The following ADCY8 variants were observed in gnomAD, a reference collection of about 807,000 sequenced individuals.
ADCY8 encodes adenylate cyclase type 8.
ADCY8 carries 51 observed loss-of-function variants against 119.7 expected under a neutral mutation model. The ratio of observed to expected loss-of-function variants is 0.43; its 90% CI spans 0.34 to 0.54. The LOEUF is 0.54. Among genes scored for constraint, ADCY8 ranks in the 20% least tolerant of loss-of-function variants. The pLI, the probability that ADCY8 is intolerant of heterozygous loss-of-function variation, is 0.03. For missense variants in ADCY8, 1,383 were observed against 1,598.8 expected, an observed-to-expected ratio of 0.87 and a Z score of 2.30; for synonymous variants, 665 against 651.0, an observed-to-expected ratio of 1.02 and a Z score of -0.33.
At chr8:130,792,967 C>T (rs1434625722) in intron 15 of ADCY8, among the ~76,000 whole-genome samples, 1 of 152,176 alleles carries the variant, frequency 6.6e-6, no homozygotes, top group African/African-American at 2.4e-5. Context: ...GAACCAGCTC[C>T]AGCCTTCTTC....
chr8:130,824,793 T>A (rs548275773), intron 12 of ADCY8, among the ~76,000 whole-genome samples: 1 of 152,220 alleles, frequency 6.6e-6, no homozygotes, highest in African/African-American at 2.4e-5. Flanking sequence ...TTGAAATTTT[T>A]TTTTAGAGAA....
At chr8:130,975,581 C>T (rs1218357431) in intron 2 of ADCY8, among the ~76,000 whole-genome samples, 1 of 152,180 alleles carries the variant, frequency 6.6e-6, no homozygotes, top group Non-Finnish European at 1.5e-5. Context: ...ATTAGTTAAA[C>T]CACAAGCATT....
intron 12 of ADCY8, among the ~76,000 whole-genome samples, chr8:130,824,659 C>T (rs12375420): frequency 0.18 from 26,674 of 152,212 alleles, 2,458 homozygotes; most frequent in Middle Eastern, 0.29. Context: ...TGACTCTACA[C>T]GTGGATTATT....
At chr8:130,997,573 C>A (rs373076843) in intron 1 of ADCY8, among the ~76,000 whole-genome samples, 64 of 152,176 alleles carry the variant, frequency 4.2e-4, no homozygotes, top group African/African-American at 6.3e-4. Flanking sequence ...GAGAAAAAAA[C>A]AATGCAGAAA....
chr8:130,893,986 G>A (rs1471752136), intron 7 of ADCY8, among the ~76,000 whole-genome samples: 1 of 152,116 alleles, frequency 6.6e-6, no homozygotes, highest in African/African-American at 2.4e-5. Flanking sequence ...AGGTTCAGAA[G>A]TAACTTTTAA....
intron 12 of ADCY8, among the ~76,000 whole-genome samples, chr8:130,831,016 A>G (rs539717577): frequency 5.9e-4 from 90 of 152,394 alleles, no homozygotes; most frequent in East Asian, 9.6e-4. Flanking sequence ...ACAAAACACT[A>G]AATGCTTTGG....
At chr8:130,871,976 A>G (rs910625654) in intron 8 of ADCY8, among the ~76,000 whole-genome samples, 3 of 152,122 alleles carry the variant, frequency 2.0e-5, no homozygotes, top group African/African-American at 4.8e-5. Flanking sequence ...ACACACACAC[A>G]CATATGTATA....
chr8:130,804,135 G>A (rs1183210029), intron 14 of ADCY8, among the ~76,000 whole-genome samples: 1 of 152,216 alleles, frequency 6.6e-6, no homozygotes, highest in Non-Finnish European at 1.5e-5. Context: ...TGGTGGGAAA[G>A]TCTCTGTTTA....
chr8:130,837,087 G>C (rs575871434), intron 11 of ADCY8, among the ~76,000 whole-genome samples: 2 of 151,982 alleles, frequency 1.3e-5, no homozygotes, highest in African/African-American at 2.4e-5. Context: ...CACTGTTTCT[G>C]TCTTAGTTCT....
intron 9 of ADCY8, among the ~76,000 whole-genome samples, chr8:130,854,337 C>T (rs1013264953): frequency 6.6e-6 from 1 of 152,200 alleles, no homozygotes; most frequent in Non-Finnish European, 1.5e-5. Context: ...CATTTCTAGA[C>T]ATTAAGTCCT....
At chr8:131,033,888 G>A (rs572037762) in intron 1 of ADCY8, among the ~76,000 whole-genome samples, 21 of 152,016 alleles carry the variant, frequency 1.4e-4, no homozygotes, top group Non-Finnish European at 2.6e-4. Flanking sequence ...CCATTTCTCG[G>A]TGTTCAGAGG....
intron 7 of ADCY8, among the ~76,000 whole-genome samples, chr8:130,901,548 G>A (rs1246663827): frequency 1.3e-5 from 2 of 152,118 alleles, no homozygotes; most frequent in African/African-American, 2.4e-5. Context: ...GGGTGTTTTG[G>A]CAAAGCATAG....
chr8:130,841,655 G>A (rs1586469264), intron 11 of ADCY8, among the ~76,000 whole-genome samples: 1 of 152,282 alleles, frequency 6.6e-6, no homozygotes, highest in South Asian at 2.1e-4. Context: ...GATAACTGAC[G>A]AGGGAATTGA....
intron 1 of ADCY8, among the ~76,000 whole-genome samples, chr8:130,998,338 A>G (rs901435605): frequency 5.3e-5 from 8 of 152,206 alleles, no homozygotes; most frequent in African/African-American, 1.9e-4. Flanking sequence ...TGAGGGAGTC[A>G]TCCTCATTTG....
chr8:130,863,247 CT>C (rs140423420), intron 9 of ADCY8, among the ~76,000 whole-genome samples: 2,986 of 151,662 alleles, frequency 0.02, 109 homozygotes, highest in African/African-American at 0.066. Flanking sequence ...GATAATTTTC[CT>C]TGTTCTGAGT....
intron 11 of ADCY8, among the ~76,000 whole-genome samples, chr8:130,839,951 T>A (rs2130273906): frequency 7.1e-6 from 1 of 140,102 alleles, no homozygotes; most frequent in Non-Finnish European, 1.6e-5. Flanking sequence ...CAGGATTAAT[T>A]GAGAAAAGCT....
At chr8:130,994,225 T>G (rs1398911425) in intron 1 of ADCY8, among the ~76,000 whole-genome samples, 1 of 152,270 alleles carries the variant, frequency 6.6e-6, no homozygotes, top group Non-Finnish European at 1.5e-5. Flanking sequence ...CTTCACAGAT[T>G]GATGTGGATT....
intron 5 of ADCY8, among the ~76,000 whole-genome samples, chr8:130,921,354 A>G (rs1444121231): frequency 1.3e-5 from 2 of 152,098 alleles, no homozygotes; most frequent in Non-Finnish European, 2.9e-5. Flanking sequence ...TGTGTATTCT[A>G]CTATGTATAC....
intron 4 of ADCY8, among the ~76,000 whole-genome samples, chr8:130,939,580 A>G (rs1820896483): frequency 6.6e-6 from 1 of 152,180 alleles, no homozygotes; most frequent in Admixed American, 6.5e-5. Flanking sequence ...GGGGCATAAC[A>G]AAAATTACTT....
Sources: allele counts gnomAD v4.1 joint callset (sites outside exome capture counted in the v4.1 genomes callset), GRCh38; gene constraint gnomAD v4.1.1; transcripts MANE v1.5; gene names NCBI Gene and HGNC (gene_info 2026-07-23, HGNC 2026-07-21).